The following ABI3BP variants were observed in gnomAD, a reference collection of about 807,000 sequenced individuals.
ABI3BP encodes target of Nesh-SH3.
ABI3BP carries 216 observed loss-of-function variants against 268.6 expected under a neutral mutation model. The observed-to-expected ratio is 0.80, with a 90% CI of 0.72 to 0.90. The LOEUF (loss-of-function observed/expected upper bound fraction) is 0.90, where lower values mean the gene tolerates loss of function less well. Among genes scored for constraint, ABI3BP ranks in the 40% least tolerant of loss-of-function variants. The probability of loss-of-function intolerance (pLI) is 0.00; values close to 1 mark genes in which losing one functional copy is unlikely to be tolerated. For missense variants in ABI3BP, 2,090 were observed against 2,182.4 expected (o/e 0.96, Z 0.84); for synonymous variants, 730 against 730.0 (o/e 1.00, Z 0.00).
chr3:100,967,182 G>A (rs1315879517), intron 1 of ABI3BP, among the ~76,000 whole-genome samples: 1 of 152,030 alleles, frequency 6.6e-6, no homozygotes, highest in Non-Finnish European at 1.5e-5. Context: ...CTCAAGTTTT[G>A]CTACCTTAAA....
intron 11 of ABI3BP, 91 bp downstream of exon 11, chr3:100,864,742 T>C (rs1034230328): frequency 1.1e-6 from 1 of 920,390 alleles, no homozygotes. Context: ...GAGAGAGAAG[T>C]TAAGGCACCA....
chr3:100,775,203 G>C lies in ABI3BP; in HGVS notation c.4462+4C>G, dbSNP rs1324221673. On this transcript the variant is annotated splice_donor_region_variant and intron_variant, in intron 60 of 67. Transcript: ENST00000471714. ...ATCCAGTGAGAACTGATGGCCATAC[G>C]AACCCAGTTCTTCTCCAGAGGCAGG... 1.2e-6 allele frequency: 2 copies of C among 1,612,280 alleles called. No homozygotes were observed. Among genetic ancestry groups the C allele is most frequent in the Non-Finnish European group, 8.5e-7 (1 of 1,179,278 alleles).
intron 63 of ABI3BP, among the ~76,000 whole-genome samples, chr3:100,761,465 C>T (rs1329594110): frequency 6.6e-6 from 1 of 152,170 alleles, no homozygotes; most frequent in Non-Finnish European, 1.5e-5. Flanking sequence ...TGGAGCTGCA[C>T]CCATGTGGCT....
At chr3:100,841,715 C>A (rs911899952) in intron 21 of ABI3BP, among the ~76,000 whole-genome samples, 15 of 151,788 alleles carry the variant, frequency 9.9e-5, no homozygotes, top group African/African-American at 3.6e-4. Context: ...GTGGTGAAAC[C>A]CTGTCTCTAC....
At position 100,865,313 on chromosome 3, in the gene ABI3BP, C is replaced by T. The variant is rs148333776; in HGVS notation, c.989-406G>A. ...ATAATCAAGATAATAGTTTATTAAA[C>T]GAATAAATGGGCAAATGAAAGGATG... On this transcript the variant is annotated intron_variant, in intron 10 of 67. Transcript: ENST00000471714. 8.8e-3 allele frequency among the ~76,000 whole-genome samples: 1,332 copies of T among 152,160 alleles called. 12 individuals are homozygous for T. The highest frequency in any genetic ancestry group is 0.013 in the Non-Finnish European group (895 of 67,996).
intron 61 of ABI3BP, among the ~76,000 whole-genome samples, chr3:100,772,175 C>T (rs754604111): frequency 2.6e-5 from 4 of 152,124 alleles, no homozygotes; most frequent in Non-Finnish European, 5.9e-5. Context: ...AAGCAAAACA[C>T]TTTTTCTAGA....
At chr3:100,907,529 A>T (rs772189472) in intron 2 of ABI3BP, among the ~76,000 whole-genome samples, 2 of 152,116 alleles carry the variant, frequency 1.3e-5, no homozygotes, top group Non-Finnish European at 2.9e-5. Context: ...TCAACACAAG[A>T]AGTATGAATT....
At chr3:100,811,333 A>AT (rs571231487) in intron 47 of ABI3BP, 56 bp from the exon 48 acceptor site, 6 of 1,240,064 alleles carry the variant, frequency 4.8e-6, no homozygotes, top group Non-Finnish European at 6.7e-6. Context: ...AAGCTATAGC[A>AT]TTTTTTTGAA....
chr3:100,765,810 G>A, intron 63 of ABI3BP, 31 bp downstream of exon 63: 11 of 1,501,732 alleles, frequency 7.3e-6, no homozygotes, highest in Non-Finnish European at 9.2e-6. Context: ...TGCACTCTCA[G>A]AATTTACCTG....
intron 63 of ABI3BP, 30 bp from the exon 64 acceptor site, chr3:100,754,721 T>C (rs2095524308): frequency 6.5e-7 from 1 of 1,535,806 alleles, no homozygotes; most frequent in Non-Finnish European, 8.8e-7. Context: ...AAAATACTTG[T>C]AATACATTCT....
intron 2 of ABI3BP, among the ~76,000 whole-genome samples, chr3:100,907,674 A>G (rs1176209692): frequency 6.6e-6 from 1 of 152,206 alleles, no homozygotes; most frequent in Non-Finnish European, 1.5e-5. Flanking sequence ...CAAGCATTTC[A>G]CAATAAACAT....
At chr3:100,945,135 C>T (rs1195539945) in intron 1 of ABI3BP, among the ~76,000 whole-genome samples, 1 of 152,144 alleles carries the variant, frequency 6.6e-6, no homozygotes, top group Non-Finnish European at 1.5e-5. Context: ...TACTATCTTC[C>T]TACTAAAGTG....
intron 1 of ABI3BP, among the ~76,000 whole-genome samples, chr3:100,936,488 CATAA>C (rs2066192790): frequency 1.3e-5 from 2 of 152,144 alleles, no homozygotes; most frequent in Admixed American, 6.5e-5. Flanking sequence ...ATGCTGGCCT[CATAA>C]AATGAGTTAG....
At chr3:100,893,007 T>C (rs981648573) in intron 4 of ABI3BP, among the ~76,000 whole-genome samples, 1 of 152,188 alleles carries the variant, frequency 6.6e-6, no homozygotes, top group African/African-American at 2.4e-5. Context: ...TCAGTGGACT[T>C]GGAAAGGCAG....
chr3:100,972,628 T>A (rs2084151955), intron 1 of ABI3BP, among the ~76,000 whole-genome samples: 1 of 152,240 alleles, frequency 6.6e-6, no homozygotes, highest in Non-Finnish European at 1.5e-5. Flanking sequence ...AGTATTTAAG[T>A]ACTGAGATTG....
chr3:100,966,940 C>CT (rs201088816), intron 1 of ABI3BP, among the ~76,000 whole-genome samples: 204 of 143,410 alleles, frequency 1.4e-3, no homozygotes, highest in African/African-American at 3.2e-3. Flanking sequence ...ATTTGTAAGG[C>CT]TTTTTTTTTT....
At chr3:100,819,832 C>T (rs2098156549) in intron 40 of ABI3BP, among the ~76,000 whole-genome samples, 1 of 151,438 alleles carries the variant, frequency 6.6e-6, no homozygotes, top group South Asian at 2.1e-4. Flanking sequence ...GCCTGCAATC[C>T]CAGCTACTCA....
intron 61 of ABI3BP, among the ~76,000 whole-genome samples, chr3:100,774,358 T>C (rs562556673): frequency 6.2e-4 from 94 of 152,276 alleles, no homozygotes; most frequent in African/African-American, 2.1e-3. Context: ...AGTAAACACA[T>C]GTGGGGTGGA....
intron 51 of ABI3BP, among the ~76,000 whole-genome samples, chr3:100,803,423 G>T (rs2097591040): frequency 6.9e-6 from 1 of 143,928 alleles, no homozygotes; most frequent in Admixed American, 6.9e-5. Flanking sequence ...TAACAGAGAA[G>T]ATTTTAAAAT....
Sources: allele counts gnomAD v4.1 joint callset (sites outside exome capture counted in the v4.1 genomes callset), GRCh38; gene constraint gnomAD v4.1.1; transcripts MANE v1.5; gene names NCBI Gene and HGNC (gene_info 2026-07-23, HGNC 2026-07-21).